OPA1: variants seen among roughly 807,000 people sequenced by gnomAD.
OPA1 encodes the protein OPA1 mitochondrial dynamin like GTPase, also known as dynamin-like GTPase OPA1, mitochondrial.
In OPA1, 59 loss-of-function variants were observed where a neutral mutation model predicts 152.9. The ratio of observed to expected loss-of-function variants is 0.39; its 90% CI spans 0.31 to 0.48. The LOEUF (loss-of-function observed/expected upper bound fraction) is 0.48. OPA1 is among the 20% of genes least tolerant of loss of function. The pLI, the probability that OPA1 is intolerant of heterozygous loss-of-function variation, is 0.96. For missense variants in OPA1, 1,008 were observed against 1,216.8 expected (o/e 0.83, Z 2.55); for synonymous variants, 400 against 389.9 (o/e 1.03, Z -0.31).
intron 21 of OPA1, among the ~76,000 whole-genome samples, chr3:193,653,746 A>G (rs1247452851): frequency 6.6e-6 from 1 of 152,094 alleles, no homozygotes; most frequent in East Asian, 1.9e-4. Flanking sequence ...TCAGTCTCAG[A>G]CTCTCCCGTA....
In OPA1 at chr3:193,615,667, C is replaced by T. The variant is rs1728903549; in HGVS notation, c.352-7C>T. On this transcript the variant is annotated splice_region_variant and splice_polypyrimidine_tract_variant and intron_variant, in intron 2 of 30. Coordinates refer to ENST00000361510, the MANE Select transcript of OPA1 (RefSeq NM_130837.3). ...GCATCTGATTGACACACTTTCTTGT[C>T]TTTTAGACTTTTGATCAGTGGAAAG... 6.5e-7 allele frequency: 1 copy of T among 1,541,016 alleles called. No individual in the cohort carries two copies. Among genetic ancestry groups the T allele is most frequent in the Admixed American group, 1.7e-5 (1 of 59,916 alleles).
intron 19 of OPA1, 60 bp from the exon 20 acceptor site, chr3:193,648,010 T>A: frequency 1.6e-6 from 2 of 1,221,682 alleles, no homozygotes; most frequent in Non-Finnish European, 2.4e-6. Context: ...TTAACCACTT[T>A]AACCACTACA....
intron 29 of OPA1, among the ~76,000 whole-genome samples, chr3:193,676,979 C>CGAA (rs1560064032): frequency 2.8e-5 from 2 of 70,834 alleles, no homozygotes; most frequent in African/African-American, 5.7e-5. Context: ...AGACTCGTCT[C>CGAA]AAAAAAAAAA....
intron 8 of OPA1, among the ~76,000 whole-genome samples, chr3:193,632,170 T>A (rs925036336): frequency 2.6e-5 from 4 of 152,188 alleles, no homozygotes; most frequent in Non-Finnish European, 5.9e-5. Context: ...AATGAGTGGG[T>A]AACATTCTAG....
At chr3:193,679,013 A>G (rs1036782980) in intron 29 of OPA1, among the ~76,000 whole-genome samples, 4 of 152,158 alleles carry the variant, frequency 2.6e-5, no homozygotes, top group African/African-American at 9.7e-5. Flanking sequence ...ATTCAGGACT[A>G]GAAAATACTT....
chr3:193,611,273 T>C (rs1438578876), intron 1 of OPA1, among the ~76,000 whole-genome samples: 2 of 152,188 alleles, frequency 1.3e-5, no homozygotes, highest in Admixed American at 6.5e-5. Flanking sequence ...TATTAGCCTT[T>C]TGAGGTTTTT....
intron 1 of OPA1, among the ~76,000 whole-genome samples, chr3:193,598,435 A>G (rs947885151): frequency 6.6e-6 from 1 of 152,006 alleles, no homozygotes; most frequent in East Asian, 1.9e-4. Context: ...ATGAAGTAGG[A>G]TTGTTAAGTA....
At chr3:193,666,462 A>C in intron 28 of OPA1, 73 bp downstream of exon 28, 1 of 1,212,100 alleles carries the variant, frequency 8.3e-7, no homozygotes, top group Non-Finnish European at 1.2e-6. Context: ...ATTTAATAGA[A>C]GGATGCCAAA....
intron 1 of OPA1, among the ~76,000 whole-genome samples, chr3:193,597,991 A>T (rs1404771290): frequency 6.6e-6 from 1 of 152,156 alleles, no homozygotes; most frequent in Admixed American, 6.5e-5. Flanking sequence ...AGGCAGGAGG[A>T]TCACACTTGA....
intron 29 of OPA1, among the ~76,000 whole-genome samples, chr3:193,687,516 G>A (rs1417043217): frequency 6.6e-6 from 1 of 152,146 alleles, no homozygotes; most frequent in Non-Finnish European, 1.5e-5. Context: ...ATATGAGTTT[G>A]CTTTATAATT....
intron 8 of OPA1, among the ~76,000 whole-genome samples, chr3:193,632,712 T>A (rs551425944): frequency 5.3e-5 from 8 of 151,606 alleles, no homozygotes; most frequent in South Asian, 2.1e-4. Context: ...CTATAAAAAT[T>A]TTTTTAAAAA....
chr3:193,619,036 AATAC>A, intron 6 of OPA1, 100 bp downstream of exon 6: 1 of 937,758 alleles, frequency 1.1e-6, no homozygotes, highest in Non-Finnish European at 1.7e-6. Flanking sequence ...CTGAGAAGCA[AATAC>A]AAAAACATCC....
chr3:193,596,365 A>ATTTTCTTTTCTTTTCTTTTC (rs71179314), intron 1 of OPA1, among the ~76,000 whole-genome samples: 10 of 68,086 alleles, frequency 1.5e-4, no homozygotes, highest in South Asian at 5.6e-4. Context: ...TCTTTTCTTA[A>ATTTTCTTTTCTTTTCTTTTC]TTTTCTTTTC....
chr3:193,663,907 A>T (rs1715903988), intron 26 of OPA1, among the ~76,000 whole-genome samples: 1 of 152,172 alleles, frequency 6.6e-6, no homozygotes, highest in Admixed American at 6.5e-5. Flanking sequence ...TTTAGGTTTT[A>T]TTCTTGTTGG....
In OPA1 at chr3:193,642,757, A is replaced by G. The variant is rs1034800419; in HGVS notation, c.1150-8A>G. 1 of 1,597,954 alleles carries G rather than the reference A, an allele frequency of 6.3e-7. No homozygotes were observed. On this transcript the variant is annotated splice_region_variant and splice_polypyrimidine_tract_variant and intron_variant, in intron 11 of 30. Transcript: ENST00000361510. ...CATCATTACCTCTCAGTTTTCTGTTACTATCAGGTGACTCTGAGTGAAGGT... is the reference window on the plus strand; with the variant it reads ...CATCATTACCTCTCAGTTTTCTGTTGCTATCAGGTGACTCTGAGTGAAGGT...
chr3:193,679,305 GAA>G (rs1719748509), intron 29 of OPA1, among the ~76,000 whole-genome samples: 1 of 140,796 alleles, frequency 7.1e-6, no homozygotes. Context: ...TAAAGAAAGA[GAA>G]AGAGAGGGAG....
intron 9 of OPA1, among the ~76,000 whole-genome samples, chr3:193,636,617 T>G (rs756165072): frequency 6.6e-6 from 1 of 152,086 alleles, no homozygotes; most frequent in Non-Finnish European, 1.5e-5. Context: ...GGCACCACAT[T>G]CATTTCTGAT....
In OPA1 at chr3:193,637,321, AAAAG is replaced by A. The variant is rs1442487102; in HGVS notation, c.1035+43_1035+46del. Reference sequence around the variant, plus strand: ...GATAGTGAACTTGCCAATTAGCAAAAAAAGAAGCAGCTTAGCTTCCTAAAAATTA... The same window carrying A: ...GATAGTGAACTTGCCAATTAGCAAAAAAGCAGCTTAGCTTCCTAAAAATTA... On this transcript the variant is annotated intron_variant, in intron 10 of 30. Coordinates refer to ENST00000361510, the MANE Select transcript of OPA1 (RefSeq NM_130837.3). The A allele has an allele frequency of 2.3e-6, 3 of 1,282,446 alleles. No homozygotes were observed. In the Admixed American group the frequency reaches 5.1e-5, roughly 22 times the overall value. The allele number at this position is 1,282,446 out of a possible 1,614,324, so 79.4% of individuals were successfully genotyped here.
intron 29 of OPA1, among the ~76,000 whole-genome samples, chr3:193,686,630 C>T (rs992540632): frequency 1.3e-4 from 20 of 152,060 alleles, no homozygotes; most frequent in Non-Finnish European, 1.3e-4. Flanking sequence ...TTCCCCCACA[C>T]CCTAGATTCA....
Sources: allele counts gnomAD v4.1 joint callset (sites outside exome capture counted in the v4.1 genomes callset), GRCh38; gene constraint gnomAD v4.1.1; transcripts MANE v1.5; gene names NCBI Gene and HGNC (gene_info 2026-07-23, HGNC 2026-07-21).